Variants in UGT1A8 observed in about 807,000 individuals in gnomAD.
UGT1A8 encodes the protein UDP glucuronosyltransferase family 1 member A8, also known as UDP-glucuronosyltransferase 1A8.
A neutral mutation model predicts 45.3 loss-of-function variants in UGT1A8; 39 were observed. The observed-to-expected ratio is 0.86, with a 90% CI of 0.67 to 1.12. The LOEUF is 1.12. UGT1A8 is among the 50% of genes most tolerant of loss of function. UGT1A8 has a pLI of 0.00. For synonymous variants in UGT1A8, 275 were observed against 249.2 expected (o/e 1.10, Z -0.97); for missense variants, 719 against 664.9 (o/e 1.08, Z -0.90).
At chr2:233,695,274 T>C (rs1346738966) in intron 1 of UGT1A8, among the ~76,000 whole-genome samples, 1 of 151,970 alleles carries the variant, frequency 6.6e-6, no homozygotes, top group East Asian at 1.9e-4. Context: ...TATAGGCATG[T>C]GCCACCATTC....
Position 233,702,529 on chromosome 2 carries a change from C to T in UGT1A8, c.856-64505C>T, listed in dbSNP as rs1333011305. ...AGAAGTGGAAAGAGGAGATTCTTAT[C>T]TTGTTCCTGATCTTAGGTGGGGAAG... On this transcript the variant is annotated intron_variant, in intron 1 of 4. Coordinates refer to ENST00000373450, the MANE Select transcript of UGT1A8 (RefSeq NM_019076.5). Among the ~76,000 whole-genome samples, 10 of 152,248 alleles carry T rather than the reference C, an allele frequency of 6.6e-5. No individual in the cohort carries two copies. The East Asian group carries it at 9.6e-4, about 15-fold the overall frequency.
chr2:233,719,330 G>A, intron 1 of UGT1A8: 2 of 1,613,866 alleles, frequency 1.2e-6, no homozygotes, highest in Middle Eastern at 1.7e-4. Context: ...TTCCTGCTGT[G>A]TTTTTTTGGA....
intron 1 of UGT1A8, chr2:233,648,948 G>A (rs988247871): frequency 7.0e-7 from 1 of 1,436,014 alleles, no homozygotes; most frequent in African/African-American, 1.4e-5. Context: ...ACTTTGTTTT[G>A]GAGTATCCCA....
intron 1 of UGT1A8, chr2:233,755,156 G>A: frequency 7.7e-7 from 1 of 1,294,130 alleles, no homozygotes; most frequent in Middle Eastern, 2.2e-4. Context: ...CTTCCTCCCT[G>A]TCCTCGGGGT....
intron 1 of UGT1A8, among the ~76,000 whole-genome samples, chr2:233,757,380 C>T (rs980413878): frequency 1.3e-5 from 2 of 151,206 alleles, no homozygotes; most frequent in African/African-American, 4.9e-5. Context: ...CCAGATTCAG[C>T]ACTTACTTGC....
At chr2:233,742,372 A>C (rs1691957505) in intron 1 of UGT1A8, among the ~76,000 whole-genome samples, 1 of 152,034 alleles carries the variant, frequency 6.6e-6, no homozygotes, top group South Asian at 2.1e-4. Context: ...ACATGTCCTT[A>C]AGGCACAGAT....
chr2:233,679,288 C>T (rs760251029), intron 1 of UGT1A8, among the ~76,000 whole-genome samples: 3 of 152,298 alleles, frequency 2.0e-5, no homozygotes, highest in Non-Finnish European at 4.4e-5. Flanking sequence ...TCTGCCTTCA[C>T]GGACAAAGCC....
chr2:233,695,327 C>T (rs372651727), intron 1 of UGT1A8, among the ~76,000 whole-genome samples: 3 of 151,842 alleles, frequency 2.0e-5, no homozygotes, highest in African/African-American at 4.8e-5. Flanking sequence ...GGTTTCACCA[C>T]GTTGGCCAGG....
intron 1 of UGT1A8, chr2:233,748,124 G>A (rs1575688214): frequency 6.2e-7 from 1 of 1,610,748 alleles, no homozygotes; most frequent in South Asian, 1.1e-5. Flanking sequence ...AGGCAAAACA[G>A]TTTTTAAAAA....
intron 1 of UGT1A8, among the ~76,000 whole-genome samples, chr2:233,738,666 G>A (rs919948655): frequency 6.6e-6 from 1 of 152,198 alleles, no homozygotes; most frequent in Non-Finnish European, 1.5e-5. Flanking sequence ...GAACTTGAGA[G>A]AGATGATCTG....
chr2:233,737,637 G>A (rs1475956364), intron 1 of UGT1A8, among the ~76,000 whole-genome samples: 4 of 152,182 alleles, frequency 2.6e-5, no homozygotes, highest in Admixed American at 6.5e-5. Context: ...CATCTTCTGC[G>A]TCGATCATGC....
chr2:233,618,082 G>A lies in UGT1A8; in HGVS notation c.375G>A (p.Arg125=). The A allele has an allele frequency of 6.2e-7, 1 of 1,614,018 alleles. No individual in the cohort carries two copies. The highest frequency in any genetic ancestry group is 8.5e-7 in the Non-Finnish European group (1 of 1,180,000). The change falls in exon 1 of 5, where the codon AGG becomes AGA. Residue 125 remains arginine, a synonymous_variant. Coordinates refer to ENST00000373450, the MANE Select transcript of UGT1A8 (RefSeq NM_019076.5). ...GFFNLFFSHC[R]SLFNDRKLVE... is the part of the protein sequence containing the mutation. ...TTAACTTATTTTTTTCGCATTGCAG[G>A]AGTTTGTTTAATGACCGAAAATTAG...
intron 1 of UGT1A8, among the ~76,000 whole-genome samples, chr2:233,702,341 T>C (rs1039044704): frequency 4.6e-5 from 7 of 152,218 alleles, no homozygotes; most frequent in African/African-American, 1.7e-4. Flanking sequence ...TGTTTATTTG[T>C]TCTAATAGTT....
chr2:233,697,399 A>G (rs890577851), intron 1 of UGT1A8, among the ~76,000 whole-genome samples: 10 of 151,506 alleles, frequency 6.6e-5, no homozygotes, highest in African/African-American at 2.4e-4. Flanking sequence ...GATCCTTTGT[A>G]TTTCTGTGGT....
chr2:233,640,328 C>CG (rs1485223573), intron 1 of UGT1A8, among the ~76,000 whole-genome samples: 4 of 151,962 alleles, frequency 2.6e-5, no homozygotes, highest in African/African-American at 9.7e-5. Flanking sequence ...TTTAAAGAAA[C>CG]TTTTTGGCTG....
At chr2:233,737,493 C>T (rs2078886571) in intron 1 of UGT1A8, among the ~76,000 whole-genome samples, 1 of 152,188 alleles carries the variant, frequency 6.6e-6, no homozygotes, top group Admixed American at 6.5e-5. Flanking sequence ...AAGGGAAATC[C>T]CTCACCCTCT....
chr2:233,688,400 A>G (rs2074892295), intron 1 of UGT1A8, among the ~76,000 whole-genome samples: 1 of 152,170 alleles, frequency 6.6e-6, no homozygotes, highest in Non-Finnish European at 1.5e-5. Flanking sequence ...TGATGTTCTA[A>G]TTTTCGAGCC....
At chr2:233,629,188 A>G (rs150364089) in intron 1 of UGT1A8, among the ~76,000 whole-genome samples, 5 of 152,252 alleles carry the variant, frequency 3.3e-5, no homozygotes, top group African/African-American at 1.2e-4. Flanking sequence ...ACTATTTTAG[A>G]TACTTCATAT....
intron 1 of UGT1A8, among the ~76,000 whole-genome samples, chr2:233,763,075 G>T (rs563223055): frequency 6.6e-6 from 1 of 152,130 alleles, no homozygotes; most frequent in Non-Finnish European, 1.5e-5. Flanking sequence ...CCTTCTTTGC[G>T]TGAGGATGTT....
Sources: allele counts gnomAD v4.1 joint callset (sites outside exome capture counted in the v4.1 genomes callset), GRCh38; gene constraint gnomAD v4.1.1; transcripts MANE v1.5; gene names NCBI Gene and HGNC (gene_info 2026-07-23, HGNC 2026-07-21).